Variants in GRIK3 observed in about 807,000 individuals in gnomAD.
The protein encoded by GRIK3 is glutamate receptor ionotropic, kainate 3.
In GRIK3, 29 loss-of-function variants were observed where a neutral mutation model predicts 102.5. That is an observed-to-expected ratio of 0.28 (90% CI 0.21 to 0.39). GRIK3 has a LOEUF of 0.39. GRIK3 is among the 10% of genes least tolerant of loss of function. GRIK3 has a pLI of 1.00. For synonymous variants in GRIK3, 511 were observed against 504.9 expected (o/e 1.01, Z -0.16); for missense variants, 908 against 1,252.4 (o/e 0.73, Z 4.15).
intron 10 of GRIK3, among the ~76,000 whole-genome samples, chr1:36,828,268 C>T (rs537474470): frequency 1.6e-4 from 25 of 152,170 alleles, no homozygotes; most frequent in East Asian, 1.9e-4. Context: ...GTAATGTTGA[C>T]GTGAGAGAGA....
intron 2 of GRIK3, among the ~76,000 whole-genome samples, chr1:36,885,200 G>A (rs1395611738): frequency 6.6e-6 from 1 of 152,216 alleles, no homozygotes; most frequent in Non-Finnish European, 1.5e-5. Flanking sequence ...AATGATAAAT[G>A]TGTTGGTGCC....
intron 1 of GRIK3, among the ~76,000 whole-genome samples, chr1:37,017,636 T>A (rs1642667935): frequency 6.6e-6 from 1 of 152,070 alleles, no homozygotes. Context: ...GGCCCCTTGA[T>A]AATACCCCTG....
chr1:36,904,429 AT>A (rs1641264415), intron 1 of GRIK3, among the ~76,000 whole-genome samples: 1 of 152,206 alleles, frequency 6.6e-6, no homozygotes, highest in Non-Finnish European at 1.5e-5. Context: ...CATGTGTTAC[AT>A]TTCTCATCAG....
At chr1:36,900,594 A>G (rs2124282446) in intron 1 of GRIK3, among the ~76,000 whole-genome samples, 1 of 152,358 alleles carries the variant, frequency 6.6e-6, no homozygotes, top group South Asian at 2.1e-4. Context: ...CATAAAATAG[A>G]AAAGAAGAAA....
At chr1:36,911,869 G>A (rs1351974813) in intron 1 of GRIK3, among the ~76,000 whole-genome samples, 1 of 152,116 alleles carries the variant, frequency 6.6e-6, no homozygotes, top group Non-Finnish European at 1.5e-5. Context: ...GAGATCTAGA[G>A]CCACCATGCG....
At chr1:36,858,973 C>A in intron 7 of GRIK3, 135 bp downstream of exon 7, 1 of 766,242 alleles carries the variant, frequency 1.3e-6, no homozygotes, top group East Asian at 2.7e-5. Context: ...GAAACTGAGG[C>A]TCGGAGACAT....
chr1:36,859,990 A>G lies in GRIK3; in HGVS notation c.814T>C (p.Tyr272His). 2 of 1,608,136 alleles carry G rather than the reference A, an allele frequency of 1.2e-6. No homozygotes were observed. Among genetic ancestry groups the G allele is most frequent in the Non-Finnish European group, 8.5e-7 (1 of 1,177,084 alleles). Reference sequence around the variant, plus strand: ...GTCAGGTTCACGCCTGAGTAGCGGTAGGGCTCCAGGTCTAAAGCGTAGAGA... The same window carrying G: ...GTCAGGTTCACGCCTGAGTAGCGGTGGGGCTCCAGGTCTAAAGCGTAGAGA... ...LDLYALDLEP[Y>H]RYSGVNLTGF... Residue 272 changes from tyrosine (Y) to histidine (H), a missense_variant, in exon 6 of 16, where the codon TAC (tyrosine) becomes CAC (histidine). This residue lies in a region of GRIK3 where 585 missense variants were observed against 824.9 expected (regional missense o/e 0.71). Coordinates refer to ENST00000373091, the MANE Select transcript of GRIK3 (RefSeq NM_000831.4).
At chr1:36,834,030 C>T (rs552930257) in intron 10 of GRIK3, among the ~76,000 whole-genome samples, 12 of 152,204 alleles carry the variant, frequency 7.9e-5, no homozygotes, top group Non-Finnish European at 1.5e-4. Context: ...AGTCTGGGAA[C>T]CAGGGAAGCT....
At chr1:36,906,417 G>C (rs1204923899) in intron 1 of GRIK3, among the ~76,000 whole-genome samples, 2 of 152,210 alleles carry the variant, frequency 1.3e-5, no homozygotes, top group Non-Finnish European at 2.9e-5. Context: ...AAACAATGGA[G>C]CTACTGCATG....
intron 1 of GRIK3, among the ~76,000 whole-genome samples, chr1:36,954,981 C>T (rs886682960): frequency 6.6e-6 from 1 of 152,228 alleles, no homozygotes; most frequent in Admixed American, 6.5e-5. Flanking sequence ...AGGGCCTATT[C>T]CTTTGAGAAC....
At chr1:36,929,131 A>T (rs1641561072) in intron 1 of GRIK3, among the ~76,000 whole-genome samples, 1 of 152,092 alleles carries the variant, frequency 6.6e-6, no homozygotes, top group Non-Finnish European at 1.5e-5. Flanking sequence ...CCTAGCTTGT[A>T]AGGGATGAAG....
At chr1:36,981,902 C>T (rs962619570) in intron 1 of GRIK3, among the ~76,000 whole-genome samples, 4 of 152,262 alleles carry the variant, frequency 2.6e-5, no homozygotes, top group Non-Finnish European at 5.9e-5. Context: ...GAGCAGCGCC[C>T]CAGCTGAGCT....
At chr1:36,940,043 C>CT (rs1553121525) in intron 1 of GRIK3, among the ~76,000 whole-genome samples, 1 of 152,240 alleles carries the variant, frequency 6.6e-6, no homozygotes, top group Non-Finnish European at 1.5e-5. Flanking sequence ...AACACAGTCC[C>CT]TCTGTCCTCA....
chr1:36,979,300 A>T (rs990559433), intron 1 of GRIK3, among the ~76,000 whole-genome samples: 11 of 152,238 alleles, frequency 7.2e-5, no homozygotes, highest in African/African-American at 2.2e-4. Context: ...GTGCCAATGA[A>T]CCAACAGGCC....
intron 7 of GRIK3, among the ~76,000 whole-genome samples, chr1:36,858,881 G>A (rs1640684542): frequency 6.6e-6 from 1 of 152,206 alleles, no homozygotes; most frequent in Non-Finnish European, 1.5e-5. Flanking sequence ...CTGACCAGCT[G>A]CTGAGCACTT....
chr1:36,976,386 C>T (rs762760769), intron 1 of GRIK3, among the ~76,000 whole-genome samples: 1 of 151,916 alleles, frequency 6.6e-6, no homozygotes, highest in East Asian at 1.9e-4. Context: ...GGGGGAAAAG[C>T]GTTTATCATT....
intron 13 of GRIK3, among the ~76,000 whole-genome samples, chr1:36,807,223 C>T (rs768455967): frequency 6.6e-5 from 10 of 152,108 alleles, no homozygotes; most frequent in Non-Finnish European, 1.5e-4. Flanking sequence ...GCTGGGGAGA[C>T]GCAGAGAGGT....
intron 1 of GRIK3, among the ~76,000 whole-genome samples, chr1:37,009,717 T>G (rs1363610016): frequency 6.6e-6 from 1 of 152,074 alleles, no homozygotes; most frequent in Non-Finnish European, 1.5e-5. Context: ...CAAAAAGTAC[T>G]AAAATTAAAT....
At chr1:36,918,608 C>T (rs1270947344) in intron 1 of GRIK3, among the ~76,000 whole-genome samples, 3 of 152,180 alleles carry the variant, frequency 2.0e-5, no homozygotes, top group Non-Finnish European at 2.9e-5. Context: ...CAGACAGAGT[C>T]GTAACCTCCC....
Sources: gnomAD v4.1 joint callset for allele counts (sites outside exome capture counted in the v4.1 genomes callset) on GRCh38, gnomAD v4.1.1 for gene constraint, gnomAD v4.1.1 regional missense constraint, MANE v1.5 for transcripts, NCBI Gene and HGNC (gene_info 2026-07-23, HGNC 2026-07-21) for gene names.